Variants in PDE4B observed in about 807,000 individuals in gnomAD.
PDE4B encodes phosphodiesterase 4B.
A neutral mutation model predicts 82.2 loss-of-function variants in PDE4B; 20 were observed. The observed-to-expected ratio is 0.24, with a 90% CI of 0.17 to 0.35. PDE4B has a LOEUF of 0.35. PDE4B is among the 10% of genes least tolerant of loss of function. The pLI is 1.00. For synonymous variants in PDE4B, 320 were observed against 318.9 expected (o/e 1.00, Z -0.04); for missense variants, 655 against 907.2 (o/e 0.72, Z 3.57).
Position 66,216,884 on chromosome 1 carries a change from G to T in PDE4B, c.282-30576G>T, listed in dbSNP as rs538477248. Among the ~76,000 whole-genome samples the T allele has an allele frequency of 6.2e-4, 94 of 152,206 alleles. No homozygotes were observed. In the South Asian group the frequency reaches 0.018, roughly 30 times the overall value. On this transcript the variant is annotated intron_variant, in intron 3 of 16. Transcript: ENST00000341517. ...TTGACTGTGACTCTCTGGGTAGTGT[G>T]TTATCAATTTCAGCCTCATTACCTA...
intron 3 of PDE4B, among the ~76,000 whole-genome samples, chr1:66,097,497 A>C (rs1480707032): frequency 6.6e-6 from 1 of 152,098 alleles, no homozygotes; most frequent in Non-Finnish European, 1.5e-5. Context: ...ATTTATAAAC[A>C]CTGGATATGA....
intron 3 of PDE4B, among the ~76,000 whole-genome samples, chr1:66,220,407 C>T (rs922861976): frequency 3.9e-5 from 6 of 152,116 alleles, no homozygotes; most frequent in Non-Finnish European, 5.9e-5. Context: ...GGGAGACATT[C>T]AGGAGCCTGG....
chr1:65,914,777 G>A (rs1647140677), intron 2 of PDE4B, among the ~76,000 whole-genome samples: 1 of 152,076 alleles, frequency 6.6e-6, no homozygotes, highest in Non-Finnish European at 1.5e-5. Flanking sequence ...TGAGGGAATG[G>A]TGGGCATAGT....
At chr1:66,171,274 G>C (rs1353975655) in intron 3 of PDE4B, among the ~76,000 whole-genome samples, 1 of 151,974 alleles carries the variant, frequency 6.6e-6, no homozygotes, top group African/African-American at 2.4e-5. Context: ...TTGAGTAATT[G>C]GGTCGAAAAT....
chr1:66,239,689 C>A (rs1382156542), intron 3 of PDE4B, among the ~76,000 whole-genome samples: 1 of 152,072 alleles, frequency 6.6e-6, no homozygotes, highest in Non-Finnish European at 1.5e-5. Context: ...GACATAGGAA[C>A]AACACAATGG....
chr1:66,317,846 G>A (rs1570682190), intron 7 of PDE4B, among the ~76,000 whole-genome samples: 2 of 152,186 alleles, frequency 1.3e-5, no homozygotes, highest in African/African-American at 2.4e-5. Context: ...GCAGTGAGCC[G>A]TGATCACGCC....
intron 4 of PDE4B, among the ~76,000 whole-genome samples, chr1:66,256,360 G>A (rs1654227165): frequency 6.6e-6 from 1 of 152,134 alleles, no homozygotes; most frequent in Admixed American, 6.6e-5. Context: ...AATATTAAGA[G>A]TACCTGACAC....
chr1:65,840,835 T>C (rs936168495), intron 1 of PDE4B, among the ~76,000 whole-genome samples: 4 of 152,210 alleles, frequency 2.6e-5, no homozygotes, highest in African/African-American at 9.6e-5. Context: ...TATCCCCTTG[T>C]CGCATTGAAT....
chr1:66,099,180 C>T (rs1171008659), intron 3 of PDE4B, among the ~76,000 whole-genome samples: 2 of 137,576 alleles, frequency 1.5e-5, no homozygotes, highest in African/African-American at 2.5e-5. Flanking sequence ...CATGGGTTCT[C>T]ATGGTTCAGC....
chr1:66,243,803 T>C (rs1653080365), intron 3 of PDE4B, among the ~76,000 whole-genome samples: 1 of 152,148 alleles, frequency 6.6e-6, no homozygotes, highest in African/African-American at 2.4e-5. Flanking sequence ...TCCAGGGATA[T>C]TGGCAGAGGC....
In PDE4B at chr1:65,801,475, A is replaced by C. The variant is rs370893373; in HGVS notation, c.-71+8227A>C. On this transcript the variant is annotated intron_variant, in intron 1 of 16. Coordinates refer to ENST00000341517, the MANE Select transcript of PDE4B (RefSeq NM_002600.4). ...TGTCTACAGATCTATGTAATTACTG[A>C]CCTTGGATATGAAACTTAGGGTACT... 1.2e-4 allele frequency among the ~76,000 whole-genome samples: 18 copies of C among 152,302 alleles called. No homozygotes were observed. In the East Asian group the frequency reaches 2.9e-3, roughly 24 times the overall value.
chr1:66,355,944 C>A (rs1216579751), intron 9 of PDE4B, among the ~76,000 whole-genome samples: 2 of 152,218 alleles, frequency 1.3e-5, no homozygotes, highest in African/African-American at 4.8e-5. Flanking sequence ...GAAATCCAAT[C>A]ACCCAAGCCC....
At chr1:66,010,111 T>C (rs1177435181) in intron 3 of PDE4B, among the ~76,000 whole-genome samples, 4 of 152,036 alleles carry the variant, frequency 2.6e-5, no homozygotes, top group South Asian at 2.1e-4. Flanking sequence ...TACATATTTA[T>C]TGAATGAATA....
intron 3 of PDE4B, among the ~76,000 whole-genome samples, chr1:65,991,467 A>G (rs1651240345): frequency 6.6e-6 from 1 of 152,092 alleles, no homozygotes; most frequent in Non-Finnish European, 1.5e-5. Flanking sequence ...TCTTACCGAG[A>G]ATCATTTCTT....
rs561435717 is a variant in PDE4B at position 66,058,229 on chromosome 1, G to A, written c.281+139394G>A. Among the ~76,000 whole-genome samples the A allele has an allele frequency of 2.0e-5, 3 of 152,330 alleles. No homozygotes were observed. The South Asian group carries it at 6.2e-4, about 32-fold the overall frequency. On this transcript the variant is annotated intron_variant, in intron 3 of 16. Coordinates refer to ENST00000341517, the MANE Select transcript of PDE4B (RefSeq NM_002600.4). ...ACATCCAGGTCATGCTGATGGAAGA[G>A]GTGGGTTCCCATGGTATTGGGCAGC...
At chr1:65,811,945 G>T (rs750821703) in intron 1 of PDE4B, among the ~76,000 whole-genome samples, 1 of 151,940 alleles carries the variant, frequency 6.6e-6, no homozygotes, top group Non-Finnish European at 1.5e-5. Context: ...GGAAATTAGG[G>T]GGAAAAAGTA....
chr1:66,162,594 AT>A (rs1646639186), intron 3 of PDE4B, among the ~76,000 whole-genome samples: 1 of 151,874 alleles, frequency 6.6e-6, no homozygotes. Flanking sequence ...AGTGTTTCAG[AT>A]TTTGGATTTT....
At chr1:66,197,101 G>A (rs911718905) in intron 3 of PDE4B, among the ~76,000 whole-genome samples, 2 of 152,038 alleles carry the variant, frequency 1.3e-5, no homozygotes, top group Non-Finnish European at 2.9e-5. Flanking sequence ...GTCTGGATCT[G>A]TTTATGTTGC....
At chr1:66,241,423 T>G (rs1265375168) in intron 3 of PDE4B, among the ~76,000 whole-genome samples, 2 of 152,248 alleles carry the variant, frequency 1.3e-5, no homozygotes, top group Non-Finnish European at 2.9e-5. Flanking sequence ...TGATAGCCAA[T>G]ATAATCACTT....
Sources: gnomAD v4.1 joint callset for allele counts (sites outside exome capture counted in the v4.1 genomes callset) on GRCh38, gnomAD v4.1.1 for gene constraint, MANE v1.5 for transcripts, NCBI Gene and HGNC (gene_info 2026-07-23, HGNC 2026-07-21) for gene names.